Variants in DCAKD observed in about 807,000 individuals in gnomAD.
DCAKD encodes dephospho-CoA kinase domain containing.
Under a neutral mutation model 18.7 loss-of-function variants are expected in DCAKD, and 15 were observed. That is an observed-to-expected ratio of 0.80 (90% CI 0.54 to 1.24). The LOEUF is 1.24. Among genes scored for constraint, DCAKD ranks in the 50% most tolerant of loss-of-function variants. DCAKD has a pLI of 0.00. For missense variants in DCAKD, 301 were observed against 322.0 expected, an observed-to-expected ratio of 0.93 and a Z score of 0.50; for synonymous variants, 130 against 133.0, an observed-to-expected ratio of 0.98 and a Z score of 0.16.
chr17:45,054,011 G>T, upstream of DCAKD: 3 of 501,364 alleles, frequency 6.0e-6, no homozygotes, highest in Non-Finnish European at 1.2e-5. Flanking sequence ...AGTATATTGA[G>T]GAATTAAGTA....
At position 45,048,756 on chromosome 17, in the gene DCAKD, A is replaced by C. The variant is rs112806352; in HGVS notation, c.-115+2605T>G. On this transcript the variant is annotated intron_variant, in intron 1 of 4. Transcript: ENST00000651974. Reference sequence around the variant, plus strand: ...AGGAGGTAGAGGCTGCAGTGAGCCAAGACTGCGCCACTGCACTCCAGCCTG... The same window carrying C: ...AGGAGGTAGAGGCTGCAGTGAGCCACGACTGCGCCACTGCACTCCAGCCTG... Among the ~76,000 whole-genome samples the C allele has an allele frequency of 7.0e-3, 1,058 of 151,988 alleles. 21 individuals carry two copies. Among genetic ancestry groups the C allele is most frequent in the African/African-American group, 0.025 (1,027 of 41,402 alleles).
intron 1 of DCAKD, among the ~76,000 whole-genome samples, chr17:45,047,452 T>C (rs1354211977): frequency 6.6e-6 from 1 of 151,756 alleles, no homozygotes; most frequent in Admixed American, 6.6e-5. Context: ...CCGGCTAATT[T>C]TTAAAAATTT....
chr17:45,039,160 G>A (rs945617771), intron 1 of DCAKD, among the ~76,000 whole-genome samples: 1 of 152,140 alleles, frequency 6.6e-6, no homozygotes, highest in Non-Finnish European at 1.5e-5. Flanking sequence ...TGCAGCCCAC[G>A]GTGCTCCCAA....
intron 1 of DCAKD, among the ~76,000 whole-genome samples, chr17:45,045,198 G>T (rs996305627): frequency 6.6e-6 from 1 of 152,274 alleles, no homozygotes. Flanking sequence ...TCACAGCCTG[G>T]TCAGGACACG....
At chr17:45,050,020 GCCT>G (rs2053657028) in intron 1 of DCAKD, among the ~76,000 whole-genome samples, 1 of 139,000 alleles carries the variant, frequency 7.2e-6, no homozygotes, top group Non-Finnish European at 1.5e-5. Context: ...ACCGCGCTCG[GCCT>G]CCCAGCAGGT....
At position 45,024,439 on chromosome 17, in the gene DCAKD, G is replaced by A. The variant is rs764219244; in HGVS notation, c.690C>T (p.Tyr230=). 8.7e-6 allele frequency: 14 copies of A among 1,601,492 alleles called. 1 individual carries two copies. The highest frequency in any genetic ancestry group is 3.3e-5 in the South Asian group (3 of 90,678). ...CCCTGCCTTGAGTGCCCCACTAGGC[G>A]TAAGGCAGAAGGTAGTGGGTGAGCA... ...LYLLTHYLLP[Y]A The change falls in exon 5 of 5, where the codon TAC becomes TAT. Residue 230 remains tyrosine, a synonymous_variant. Coordinates refer to ENST00000651974, the MANE Select transcript of DCAKD (RefSeq NM_001288655.2).
At chr17:45,052,893 G>A (rs1019095814), upstream of DCAKD, among the ~76,000 whole-genome samples, 1 of 151,796 alleles carries the variant, frequency 6.6e-6, no homozygotes, top group Non-Finnish European at 1.5e-5. Flanking sequence ...GCCGGGCGCT[G>A]TGGCTCACGC....
chr17:45,031,065 T>G, intron 3 of DCAKD: 3 of 985,344 alleles, frequency 3.0e-6, no homozygotes, highest in South Asian at 9.4e-5. Context: ...GGGTAAGAGA[T>G]AGGAAAATGC....
At position 45,030,189 on chromosome 17, in the gene DCAKD, G is replaced by C; in HGVS notation, c.317-10C>G. The C allele has an allele frequency of 6.2e-7, 1 of 1,612,972 alleles. No individual in the cohort carries two copies. The highest frequency in any genetic ancestry group is 8.5e-7 in the Non-Finnish European group (1 of 1,178,984). ...ATCACGTAGCGGTATCCTGGGGAGA[G>C]GTTGGAAATCCCCCAAGTTCAATTC... is the stretch of plus-strand genomic sequence containing the variant. On this transcript the variant is annotated splice_polypyrimidine_tract_variant and intron_variant, in intron 3 of 4. Transcript: ENST00000651974.
chr17:45,050,472 G>A (rs1159574476), intron 1 of DCAKD, among the ~76,000 whole-genome samples: 1 of 152,110 alleles, frequency 6.6e-6, no homozygotes, highest in Non-Finnish European at 1.5e-5. Flanking sequence ...TATTTACCAA[G>A]GGGACAGATT....
chr17:45,041,184 C>T (rs952108955), intron 1 of DCAKD, among the ~76,000 whole-genome samples: 4 of 152,162 alleles, frequency 2.6e-5, no homozygotes, highest in African/African-American at 7.2e-5. Flanking sequence ...AAAACCTTCA[C>T]TGCCTTCTCC....
intron 1 of DCAKD, among the ~76,000 whole-genome samples, chr17:45,045,774 A>G: frequency 6.6e-6 from 1 of 151,910 alleles, no homozygotes; most frequent in Admixed American, 6.6e-5. Flanking sequence ...TAATACATAA[A>G]CCATGCAGCA....
At position 45,023,924 on chromosome 17, in the gene DCAKD, C is replaced by T. The variant is rs2052993402; in HGVS notation, c.*509G>A. 6.5e-6 allele frequency: 1 copy of T among 153,032 alleles called. No homozygotes were observed. Among genetic ancestry groups the T allele is most frequent in the African/African-American group, 2.4e-5 (1 of 41,442 alleles). 9.5% of individuals were successfully genotyped at this position (153,032 alleles called of 1,614,324 possible). On this transcript the variant is annotated 3_prime_UTR_variant, in exon 5 of 5. Transcript: ENST00000651974. ...TGGGCCTTCAGTATAAAAAATATCT[C>T]AACCTAGGGGAGGGCCTTGTTGACT...
chr17:45,046,247 G>A (rs916164784), intron 1 of DCAKD, among the ~76,000 whole-genome samples: 1 of 152,152 alleles, frequency 6.6e-6, no homozygotes, highest in Admixed American at 6.6e-5. Context: ...AGAGTGCCTA[G>A]GAAGGTGAGC....
intron 1 of DCAKD, among the ~76,000 whole-genome samples, chr17:45,049,711 TCC>T (rs1491194795): frequency 3.2e-5 from 4 of 123,456 alleles, no homozygotes; most frequent in Non-Finnish European, 1.7e-5. Flanking sequence ...CTTTTTCTTT[TCC>T]TTTTTTTTTT....
Position 45,029,555 on chromosome 17 carries a change from C to T in DCAKD, c.404+537G>A, listed in dbSNP as rs529188241. Among the ~76,000 whole-genome samples, 21 of 152,326 alleles carry T rather than the reference C, an allele frequency of 1.4e-4. 1 individual carries two copies. The South Asian group carries it at 4.3e-3, about 32-fold the overall frequency. On this transcript the variant is annotated intron_variant, in intron 4 of 4. Coordinates refer to ENST00000651974, the MANE Select transcript of DCAKD (RefSeq NM_001288655.2). The stretch of plus-strand genomic sequence containing the variant: ...TGTCAAACCTGGATTCTGGTTGGCT[C>T]CGTGTCCTGGGGAATTCTGAGAACA...
chr17:45,034,136 C>A (rs1567834722), intron 3 of DCAKD, 51 bp downstream of exon 3: 2 of 1,611,756 alleles, frequency 1.2e-6, no homozygotes, highest in East Asian at 4.5e-5. Flanking sequence ...AGGAGAAGGG[C>A]CCTGGCCCTG....
chr17:45,054,838 A>G (rs138449419), upstream of DCAKD, among the ~76,000 whole-genome samples: 26 of 152,248 alleles, frequency 1.7e-4, no homozygotes, highest in South Asian at 3.5e-3. Context: ...TGTCCCCCCA[A>G]ATTATCTGGA....
upstream of DCAKD, chr17:45,051,695 T>C (rs2053701979): frequency 1.5e-5 from 2 of 130,162 alleles, no homozygotes; most frequent in African/African-American, 5.7e-5. Context: ...CCGGGAGAGG[T>C]TGGACGGGCG....
Sources: allele counts gnomAD v4.1 joint callset (sites outside exome capture counted in the v4.1 genomes callset), GRCh38; gene constraint gnomAD v4.1.1; transcripts MANE v1.5; gene names NCBI Gene and HGNC (gene_info 2026-07-23, HGNC 2026-07-21).